Variants in ENTREP2 observed in about 807,000 individuals in gnomAD.
The protein encoded by ENTREP2 is endosomal transmembrane epsin interactor 2.
chr15:29,540,452 C>T, the ENTREP2 span, among the ~76,000 whole-genome samples: 1 of 152,170 alleles, frequency 6.6e-6, no homozygotes, highest in South Asian at 2.1e-4. Flanking sequence ...AACACACAAA[C>T]CTGACAACTC....
the ENTREP2 span, among the ~76,000 whole-genome samples, chr15:29,628,797 T>G: frequency 6.6e-6 from 1 of 152,212 alleles, no homozygotes; most frequent in African/African-American, 2.4e-5. Context: ...TCATCCAGGC[T>G]GGAGTGCAGT....
chr15:29,382,144 C>T, the ENTREP2 span, among the ~76,000 whole-genome samples: 2 of 152,042 alleles, frequency 1.3e-5, no homozygotes, highest in East Asian at 3.9e-4. Flanking sequence ...CGCTTGTATT[C>T]CTAGCTACTC....
the ENTREP2 span, among the ~76,000 whole-genome samples, chr15:29,597,074 G>T: frequency 8.1e-6 from 1 of 123,674 alleles, no homozygotes; most frequent in Non-Finnish European, 1.8e-5. Flanking sequence ...TGCCATTATA[G>T]TATCACTCAT....
the ENTREP2 span, among the ~76,000 whole-genome samples, chr15:29,423,156 G>T: frequency 6.6e-6 from 1 of 152,166 alleles, no homozygotes; most frequent in South Asian, 2.1e-4. Context: ...CTTCAACCCT[G>T]AATAACCCCG....
At chr15:29,460,293 C>A in the ENTREP2 span, among the ~76,000 whole-genome samples, 6 of 152,054 alleles carry the variant, frequency 3.9e-5, no homozygotes, top group South Asian at 1.2e-3. Context: ...AAGCCTTTAA[C>A]TTTAAAAATA....
chr15:29,526,602 T>C, the ENTREP2 span, among the ~76,000 whole-genome samples: 1 of 151,918 alleles, frequency 6.6e-6, no homozygotes, highest in African/African-American at 2.4e-5. Context: ...TAACAGACTA[T>C]AGGCACATGT....
At chr15:29,286,291 G>C in the ENTREP2 span, among the ~76,000 whole-genome samples, 3 of 152,150 alleles carry the variant, frequency 2.0e-5, no homozygotes, top group Admixed American at 2.0e-4. Context: ...AGAATGTAAA[G>C]ATAAGTTAAT....
chr15:29,650,080 C>T, the ENTREP2 span, among the ~76,000 whole-genome samples: 1 of 152,004 alleles, frequency 6.6e-6, no homozygotes, highest in East Asian at 1.9e-4. Context: ...ATCCACTTTC[C>T]CAAGTCACGA....
At chr15:29,488,153 G>T in the ENTREP2 span, among the ~76,000 whole-genome samples, 1 of 152,094 alleles carries the variant, frequency 6.6e-6, no homozygotes, top group African/African-American at 2.4e-5. Context: ...TGACTTAAAG[G>T]AAAGAAAGGA....
the ENTREP2 span, among the ~76,000 whole-genome samples, chr15:29,586,477 G>A: frequency 6.6e-6 from 1 of 152,152 alleles, no homozygotes; most frequent in Non-Finnish European, 1.5e-5. Context: ...ATTATATTTC[G>A]TAAAGGTGTT....
chr15:29,417,196 G>GT, the ENTREP2 span, among the ~76,000 whole-genome samples: 111 of 152,232 alleles, frequency 7.3e-4, no homozygotes, highest in African/African-American at 2.6e-3. Context: ...ACATGCACAC[G>GT]TATGTTTACT....
chr15:29,252,222 C>T, the ENTREP2 span: 14 of 498,546 alleles, frequency 2.8e-5, no homozygotes, highest in South Asian at 5.4e-4. Flanking sequence ...ATCAGCTTAA[C>T]CTAAATACCC....
chr15:29,456,466 T>C, the ENTREP2 span, among the ~76,000 whole-genome samples: 2 of 152,270 alleles, frequency 1.3e-5, no homozygotes, highest in South Asian at 2.1e-4. Flanking sequence ...GTCAAGGCTA[T>C]TTTTTGTCTG....
the ENTREP2 span, among the ~76,000 whole-genome samples, chr15:29,669,626 T>A: frequency 1.3e-5 from 2 of 152,192 alleles, no homozygotes; most frequent in Non-Finnish European, 2.9e-5. Flanking sequence ...CCAGAGGTGA[T>A]CCTTGTCTGG....
the ENTREP2 span, among the ~76,000 whole-genome samples, chr15:29,432,127 CAT>C: frequency 6.6e-6 from 1 of 152,166 alleles, no homozygotes; most frequent in Non-Finnish European, 1.5e-5. Flanking sequence ...AAATTAGTGA[CAT>C]GTTCTCTCAA....
the ENTREP2 span, among the ~76,000 whole-genome samples, chr15:29,490,823 G>A: frequency 3.9e-5 from 6 of 152,208 alleles, no homozygotes; most frequent in Non-Finnish European, 5.9e-5. Context: ...AGTGGATCCC[G>A]TGCCAGGGCC....
At chr15:29,338,866 T>C in the ENTREP2 span, among the ~76,000 whole-genome samples, 1 of 150,970 alleles carries the variant, frequency 6.6e-6, no homozygotes, top group Non-Finnish European at 1.5e-5. Context: ...ATTTACATCA[T>C]ACAATGAATT....
At chr15:29,566,846 T>TACACACACACACACACACACACACACAC in the ENTREP2 span, among the ~76,000 whole-genome samples, 33 of 146,166 alleles carry the variant, frequency 2.3e-4, no homozygotes, top group South Asian at 2.9e-3. Context: ...AAAGGAAAAA[T>TACACACACACACACACACACACACACAC]ACACACACAC....
chr15:29,176,979 T>G, the ENTREP2 span, among the ~76,000 whole-genome samples: 1 of 152,104 alleles, frequency 6.6e-6, no homozygotes, highest in Non-Finnish European at 1.5e-5. Flanking sequence ...AACACCCCAA[T>G]TCAGTGTCTC....
Sources: allele counts gnomAD v4.1 joint callset (sites outside exome capture counted in the v4.1 genomes callset), GRCh38; gene constraint gnomAD v4.1.1; transcripts MANE v1.5; gene names NCBI Gene and HGNC (gene_info 2026-07-23, HGNC 2026-07-21).